The following SLC4A4 variants were observed in gnomAD, a reference collection of about 807,000 sequenced individuals.
SLC4A4 encodes solute carrier family 4 member 4.
A neutral mutation model predicts 111.5 loss-of-function variants in SLC4A4; 27 were observed. The ratio of observed to expected loss-of-function variants is 0.24; its 90% confidence interval spans 0.18 to 0.33. SLC4A4 has a LOEUF of 0.33. Among genes scored for constraint, SLC4A4 ranks in the 10% least tolerant of loss-of-function variants. The pLI is 1.00. For synonymous variants in SLC4A4, 443 were observed against 463.4 expected (o/e 0.96, Z 0.57); for missense variants, 909 against 1,315.5 (o/e 0.69, Z 4.78).
intron 7 of SLC4A4, among the ~76,000 whole-genome samples, chr4:71,431,315 A>G (rs530499870): frequency 2.0e-5 from 3 of 152,200 alleles, no homozygotes; most frequent in African/African-American, 4.8e-5. Flanking sequence ...TAGTGTGTCC[A>G]GGGAAAGCCT....
At chr4:71,266,461 T>G (rs1295144582) in intron 3 of SLC4A4, among the ~76,000 whole-genome samples, 1 of 152,230 alleles carries the variant, frequency 6.6e-6, no homozygotes, top group Non-Finnish European at 1.5e-5. Context: ...TTTTTGAGTA[T>G]GTGGTAAGTT....
intron 6 of SLC4A4, among the ~76,000 whole-genome samples, chr4:71,395,130 A>G (rs931284304): frequency 1.3e-5 from 2 of 152,158 alleles, no homozygotes; most frequent in Admixed American, 6.6e-5. Context: ...CTTTCTAACA[A>G]GCGTACAGGT....
chr4:71,536,466 A>ATATATATATATG lies in SLC4A4; in HGVS notation c.2442+2089_2442+2090insGTATATATATAT, dbSNP rs1491262966. On this transcript the variant is annotated intron_variant, in intron 18 of 25. Coordinates refer to ENST00000264485, the MANE Select transcript of SLC4A4 (RefSeq NM_001098484.3). ...CATATATACATATATACATATATAC[A>ATATATATATATG]TATATATATATATATATATATGTAT... Among the ~76,000 whole-genome samples, 42 of 52,364 alleles carry ATATATATATATG rather than the reference A, an allele frequency of 8.0e-4. 1 individual carries two copies. Among genetic ancestry groups the ATATATATATATG allele is most frequent in the African/African-American group, 3.3e-3 (42 of 12,670 alleles). The allele number at this position is 52,364 out of a possible 152,430, so 34.4% of individuals were successfully genotyped here.
chr4:71,376,156 T>TATACACACAC (rs1553900734), intron 6 of SLC4A4, among the ~76,000 whole-genome samples: 2,243 of 135,510 alleles, frequency 0.017, 34 homozygotes, highest in Middle Eastern at 0.035. Flanking sequence ...CCTGTATATA[T>TATACACACAC]ACACACACAC....
intron 7 of SLC4A4, among the ~76,000 whole-genome samples, chr4:71,421,427 C>T (rs925464172): frequency 6.6e-5 from 10 of 152,094 alleles, no homozygotes; most frequent in South Asian, 4.2e-4. Context: ...GACAGATCAT[C>T]GAGACAGAAA....
intron 3 of SLC4A4, chr4:71,339,022 C>G (rs1728663489): frequency 7.0e-7 from 1 of 1,424,482 alleles, no homozygotes. Context: ...TGGCTTTTGT[C>G]TTATAATTTT....
chr4:71,288,460 G>A (rs1434332331), intron 3 of SLC4A4, among the ~76,000 whole-genome samples: 1 of 151,790 alleles, frequency 6.6e-6, no homozygotes, highest in East Asian at 1.9e-4. Context: ...GTGCAGTGGC[G>A]TGATCTCGGC....
intron 6 of SLC4A4, among the ~76,000 whole-genome samples, chr4:71,384,023 A>G (rs1718420007): frequency 6.6e-6 from 1 of 152,210 alleles, no homozygotes; most frequent in Admixed American, 6.5e-5. Context: ...GATGTAATTT[A>G]GGAGTAGCAC....
At chr4:71,224,458 G>C (rs1204690778) in intron 1 of SLC4A4, among the ~76,000 whole-genome samples, 2 of 152,186 alleles carry the variant, frequency 1.3e-5, no homozygotes, top group Non-Finnish European at 2.9e-5. Context: ...GACATCAACA[G>C]TTATAGCCAT....
At chr4:71,395,262 G>T (rs957002068) in intron 6 of SLC4A4, among the ~76,000 whole-genome samples, 17 of 152,100 alleles carry the variant, frequency 1.1e-4, no homozygotes, top group African/African-American at 3.9e-4. Flanking sequence ...TAGGGAGGGG[G>T]ATGGAAAAAG....
At chr4:71,139,894 A>G (rs528229572) in intron 2 of SLC4A4, among the ~76,000 whole-genome samples, 9 of 151,530 alleles carry the variant, frequency 5.9e-5, no homozygotes, top group Non-Finnish European at 1.2e-4. Flanking sequence ...TATGCAATAC[A>G]TTGTTGTTAA....
intron 1 of SLC4A4, among the ~76,000 whole-genome samples, chr4:71,063,283 A>G (rs1005243080): frequency 6.6e-6 from 1 of 152,180 alleles, no homozygotes; most frequent in Non-Finnish European, 1.5e-5. Context: ...GGTAGTTTCT[A>G]TAAAGTGTTC....
chr4:71,098,607 A>G (rs1350371564), intron 2 of SLC4A4, among the ~76,000 whole-genome samples: 1 of 152,170 alleles, frequency 6.6e-6, no homozygotes, highest in Non-Finnish European at 1.5e-5. Flanking sequence ...ATAAAATCAC[A>G]TACACCAATA....
intron 16 of SLC4A4, among the ~76,000 whole-genome samples, chr4:71,511,165 A>G (rs1731878988): frequency 6.6e-6 from 1 of 152,122 alleles, no homozygotes; most frequent in Admixed American, 6.6e-5. Context: ...CAATTACAGT[A>G]TTAATTTTCT....
intron 6 of SLC4A4, among the ~76,000 whole-genome samples, chr4:71,390,974 C>A (rs1578991376): frequency 6.6e-6 from 1 of 151,994 alleles, no homozygotes; most frequent in East Asian, 1.9e-4. Context: ...GTACCTAGTA[C>A]TCAAAAAGAT....
chr4:71,545,321 GA>G (rs1735422544), intron 18 of SLC4A4, among the ~76,000 whole-genome samples: 2 of 152,030 alleles, frequency 1.3e-5, no homozygotes, highest in South Asian at 4.1e-4. Flanking sequence ...AACAAGATCT[GA>G]ATGATAACAG....
At chr4:71,435,176 A>C (rs1724008897) in intron 7 of SLC4A4, among the ~76,000 whole-genome samples, 1 of 152,180 alleles carries the variant, frequency 6.6e-6, no homozygotes, top group South Asian at 2.1e-4. Flanking sequence ...AGGCTACAGT[A>C]ACCAAAACAG....
intron 20 of SLC4A4, among the ~76,000 whole-genome samples, chr4:71,548,631 C>G (rs571276970): frequency 6.6e-6 from 1 of 151,944 alleles, no homozygotes; most frequent in East Asian, 1.9e-4. Context: ...CCACTGTTAA[C>G]GATATCCTTC....
At chr4:71,087,019 C>G (rs548486350) in intron 1 of SLC4A4, among the ~76,000 whole-genome samples, 3 of 151,884 alleles carry the variant, frequency 2.0e-5, no homozygotes, top group African/African-American at 7.3e-5. Context: ...AATTCGGCTG[C>G]GAATCCATCT....
Sources: gnomAD v4.1 joint callset for allele counts (sites outside exome capture counted in the v4.1 genomes callset) on GRCh38, gnomAD v4.1.1 for gene constraint, MANE v1.5 for transcripts, NCBI Gene and HGNC (gene_info 2026-07-23, HGNC 2026-07-21) for gene names.